The following ROBO1 variants were observed in gnomAD, a reference collection of about 807,000 sequenced individuals.
ROBO1 encodes roundabout guidance receptor 1.
In ROBO1, 149 loss-of-function variants were observed where a neutral mutation model predicts 195.9. The ratio of observed to expected loss-of-function variants is 0.76; its 90% CI spans 0.67 to 0.87. The LOEUF is 0.87. Ranked by LOEUF, ROBO1 falls within the 40% of genes least tolerant of loss-of-function variation. The pLI, the probability that ROBO1 is intolerant of heterozygous loss-of-function variation, is 0.00. For synonymous variants in ROBO1, 816 were observed against 733.2 expected, an observed-to-expected ratio of 1.11 and a Z score of -1.82; for missense variants, 1,933 against 2,068.3, an observed-to-expected ratio of 0.93 and a Z score of 1.27.
chr3:78,897,942 T>C lies in ROBO1; in HGVS notation c.499+40659A>G, dbSNP rs772908161. Among the ~76,000 whole-genome samples, 186 of 151,966 alleles carry C rather than the reference T, an allele frequency of 1.2e-3. 3 individuals are homozygous for C. The highest frequency in any genetic ancestry group is 6.8e-3 in the Middle Eastern group (2 of 294). Reference sequence around the variant, plus strand: ...AGTGAAAGGTAGAACTCATGTGATATAGTTAGTAAACCAAAATACAAAAAA... The same window carrying C: ...AGTGAAAGGTAGAACTCATGTGATACAGTTAGTAAACCAAAATACAAAAAA... On this transcript the variant is annotated intron_variant, in intron 4 of 30. Coordinates refer to ENST00000464233, the MANE Select transcript of ROBO1 (RefSeq NM_002941.4).
intron 2 of ROBO1, among the ~76,000 whole-genome samples, chr3:79,299,584 AT>A (rs1246261816): frequency 6.6e-6 from 1 of 152,196 alleles, no homozygotes; most frequent in Non-Finnish European, 1.5e-5. Flanking sequence ...GAAAATAAAG[AT>A]ATTATATAAA....
chr3:78,650,453 T>C (rs575716592), intron 19 of ROBO1, among the ~76,000 whole-genome samples: 1 of 152,318 alleles, frequency 6.6e-6, no homozygotes, highest in South Asian at 2.1e-4. Context: ...GTATTAGTGA[T>C]GCATTTGTGT....
intron 2 of ROBO1, among the ~76,000 whole-genome samples, chr3:79,507,175 T>C (rs545594800): frequency 6.1e-4 from 93 of 152,268 alleles, no homozygotes; most frequent in African/African-American, 2.2e-3. Context: ...GTGAGGAGCA[T>C]GATGATGTAC....
chr3:78,774,369 G>A (rs1021457527), intron 4 of ROBO1, among the ~76,000 whole-genome samples: 3 of 151,222 alleles, frequency 2.0e-5, no homozygotes, highest in Non-Finnish European at 4.4e-5. Context: ...TGAGGGCAGT[G>A]GCCGGATCTC....
At chr3:79,228,087 C>A (rs140625747) in intron 2 of ROBO1, among the ~76,000 whole-genome samples, 1 of 152,138 alleles carries the variant, frequency 6.6e-6, no homozygotes, top group East Asian at 1.9e-4. Context: ...ATCTGTTTAA[C>A]ACAAGCCTCT....
At chr3:79,668,680 G>A (rs192605920) in intron 1 of ROBO1, among the ~76,000 whole-genome samples, 8 of 149,922 alleles carry the variant, frequency 5.3e-5, no homozygotes, top group Admixed American at 2.0e-4. Flanking sequence ...ACACACACAC[G>A]CATTATACAT....
rs560246573 is a variant in ROBO1 at position 78,916,566 on chromosome 3, A to G, written c.499+22035T>C. 8.6e-5 allele frequency among the ~76,000 whole-genome samples: 13 copies of G among 151,988 alleles called. No individual in the cohort carries two copies. In the East Asian group the frequency reaches 1.2e-3, roughly 14 times the overall value. On this transcript the variant is annotated intron_variant, in intron 4 of 30. Transcript: ENST00000464233. The stretch of plus-strand genomic sequence containing the variant: ...GTATCTGTCTCAAAAAGAAAAAAAA[A>G]AAAAAAAGAAAAAAATGGAATTAGT...
chr3:79,161,401 A>G (rs2080963499), intron 2 of ROBO1, among the ~76,000 whole-genome samples: 1 of 152,116 alleles, frequency 6.6e-6, no homozygotes, highest in African/African-American at 2.4e-5. Flanking sequence ...TATTAAACAT[A>G]TCAATTTTTT....
intron 1 of ROBO1, among the ~76,000 whole-genome samples, chr3:79,657,088 T>C (rs1431387760): frequency 6.6e-6 from 1 of 152,104 alleles, no homozygotes; most frequent in African/African-American, 2.4e-5. Context: ...GGTAAAAATA[T>C]ACATTTTTAG....
intron 4 of ROBO1, among the ~76,000 whole-genome samples, chr3:78,858,510 C>T (rs550534130): frequency 7.5e-5 from 11 of 146,234 alleles, no homozygotes; most frequent in Non-Finnish European, 1.0e-4. Flanking sequence ...GGATGTATCA[C>T]TTGAACCCAG....
At chr3:79,145,714 A>G (rs542966554) in intron 2 of ROBO1, among the ~76,000 whole-genome samples, 1 of 152,160 alleles carries the variant, frequency 6.6e-6, no homozygotes, top group South Asian at 2.1e-4. Context: ...TCCTGAATTT[A>G]AACCACAACC....
At chr3:78,997,361 G>A (rs540914524) in intron 3 of ROBO1, among the ~76,000 whole-genome samples, 29 of 152,220 alleles carry the variant, frequency 1.9e-4, no homozygotes, top group Admixed American at 1.3e-3. Context: ...TAGGAAAAAC[G>A]TGGGTTGTTT....
At chr3:78,688,130 T>C (rs778176883) in intron 9 of ROBO1, among the ~76,000 whole-genome samples, 1 of 152,212 alleles carries the variant, frequency 6.6e-6, no homozygotes, top group Non-Finnish European at 1.5e-5. Flanking sequence ...TTACAGCAAA[T>C]GTTGACTGCA....
At chr3:78,748,680 T>C (rs555564576) in intron 4 of ROBO1, among the ~76,000 whole-genome samples, 2 of 152,158 alleles carry the variant, frequency 1.3e-5, no homozygotes, top group East Asian at 3.9e-4. Context: ...AATTTTTTCC[T>C]TCCTCAATTC....
chr3:78,977,611 T>A (rs867881887), intron 3 of ROBO1, among the ~76,000 whole-genome samples: 10 of 150,490 alleles, frequency 6.6e-5, no homozygotes, highest in Admixed American at 6.0e-4. Flanking sequence ...AATATATATT[T>A]TAAAAAAAAA....
At position 79,588,942 on chromosome 3, in the gene ROBO1, T is replaced by A. The variant is rs577076657; in HGVS notation, c.88+882A>T. ...ATTGAAGCCCCAGGATTTTTTGAAATCTTTGATTTTGTGTGGATGAACATG... is the reference window on the plus strand; with the variant it reads ...ATTGAAGCCCCAGGATTTTTTGAAAACTTTGATTTTGTGTGGATGAACATG... On this transcript the variant is annotated intron_variant, in intron 2 of 30. Transcript: ENST00000464233. Among the ~76,000 whole-genome samples the A allele has an allele frequency of 1.1e-4, 16 of 151,820 alleles. No individual in the cohort carries two copies. In the East Asian group the frequency reaches 2.9e-3, roughly 28 times the overall value.
At chr3:78,755,844 T>C (rs962715765) in intron 4 of ROBO1, among the ~76,000 whole-genome samples, 1 of 152,218 alleles carries the variant, frequency 6.6e-6, no homozygotes, top group Admixed American at 6.5e-5. Context: ...GAGTCTGATA[T>C]GAAAATTGTT....
At chr3:78,882,565 C>A (rs529512100) in intron 4 of ROBO1, among the ~76,000 whole-genome samples, 8 of 152,122 alleles carry the variant, frequency 5.3e-5, no homozygotes, top group Non-Finnish European at 1.0e-4. Flanking sequence ...TTCTCCACTG[C>A]ATCTTTCTGT....
intron 1 of ROBO1, among the ~76,000 whole-genome samples, chr3:79,695,558 C>T (rs1460957905): frequency 6.6e-6 from 1 of 151,430 alleles, no homozygotes; most frequent in African/African-American, 2.4e-5. Flanking sequence ...ACAGAAAACA[C>T]CAAGCACTTA....
Sources: allele counts gnomAD v4.1 joint callset (sites outside exome capture counted in the v4.1 genomes callset), GRCh38; gene constraint gnomAD v4.1.1; transcripts MANE v1.5; gene names NCBI Gene and HGNC (gene_info 2026-07-23, HGNC 2026-07-21).